The following ADD3 variants were observed in gnomAD, a reference collection of about 807,000 sequenced individuals.
ADD3 encodes the protein adducin 3, also known as gamma-adducin.
In ADD3, 25 loss-of-function variants were observed where a neutral mutation model predicts 80.2. That is an observed-to-expected ratio of 0.31 (90% CI 0.23 to 0.44). The LOEUF (loss-of-function observed/expected upper bound fraction) is 0.44. Ranked by LOEUF, ADD3 falls within the 20% of genes least tolerant of loss-of-function variation. ADD3 has a pLI of 1.00. For missense variants in ADD3, 829 were observed against 847.5 expected (o/e 0.98, Z 0.27); for synonymous variants, 284 against 289.6 (o/e 0.98, Z 0.20).
chr10:110,009,712 C>T (rs1417555094), intron 1 of ADD3, among the ~76,000 whole-genome samples: 1 of 152,204 alleles, frequency 6.6e-6, no homozygotes, highest in Non-Finnish European at 1.5e-5. Flanking sequence ...CTACATTTAA[C>T]TCTTCATCTT....
At chr10:110,031,267 C>T (rs1854987619) in intron 1 of ADD3, among the ~76,000 whole-genome samples, 1 of 152,204 alleles carries the variant, frequency 6.6e-6, no homozygotes, top group Admixed American at 6.5e-5. Context: ...GAGCAAAACT[C>T]TGTCCCTCAA....
intron 1 of ADD3, among the ~76,000 whole-genome samples, chr10:110,078,837 A>T (rs1845680929): frequency 1.3e-5 from 2 of 152,190 alleles, no homozygotes; most frequent in South Asian, 4.1e-4. Context: ...TTAAACTTCG[A>T]CTTTTACAGT....
At chr10:110,113,001 G>A in intron 3 of ADD3, 86 bp downstream of exon 3, 2 of 1,402,786 alleles carry the variant, frequency 1.4e-6, no homozygotes, top group Non-Finnish European at 2.0e-6. Flanking sequence ...ATTCTGCTCG[G>A]GTTCAGTCCT....
rs145422353 is a variant in ADD3 at position 110,081,745 on chromosome 10, A to G, written c.-29-18880A>G. ...TTTTAACAATTGCTTATATGAAACC[A>G]CGCTTGAAAATGGTCACCCTCTGTT... is the stretch of plus-strand genomic sequence containing the variant. On this transcript the variant is annotated intron_variant, in intron 1 of 14. Transcript: ENST00000356080. Among the ~76,000 whole-genome samples, 87 of 152,328 alleles carry G rather than the reference A, an allele frequency of 5.7e-4. 1 individual carries two copies. In the East Asian group the frequency reaches 0.014, roughly 25 times the overall value.
chr10:110,090,721 A>G (rs1026323467), intron 1 of ADD3, among the ~76,000 whole-genome samples: 3 of 152,332 alleles, frequency 2.0e-5, no homozygotes, highest in South Asian at 2.1e-4. Context: ...GTGGCCTCCA[A>G]TTGACACATA....
intron 1 of ADD3, among the ~76,000 whole-genome samples, chr10:110,045,562 A>G (rs1856824433): frequency 6.6e-6 from 1 of 152,232 alleles, no homozygotes; most frequent in African/African-American, 2.4e-5. Flanking sequence ...TTGGAAAATT[A>G]TTTGGAGATT....
intron 1 of ADD3, among the ~76,000 whole-genome samples, chr10:110,070,981 TGGGG>T (rs5787833): frequency 2.5e-5 from 1 of 39,618 alleles, no homozygotes; most frequent in East Asian, 8.2e-4. Context: ...TTGTTGTTTT[TGGGG>T]GGGGGGGGTG....
chr10:110,122,591 C>G (rs1427668656), intron 9 of ADD3, among the ~76,000 whole-genome samples: 2 of 151,592 alleles, frequency 1.3e-5, no homozygotes. Context: ...TCCCCACCCC[C>G]ACCTCCTTGT....
At chr10:110,007,067 A>AG (rs1273352108), upstream of ADD3, among the ~76,000 whole-genome samples, 1 of 149,764 alleles carries the variant, frequency 6.7e-6, no homozygotes. Flanking sequence ...TGTCTGGGCG[A>AG]GGGGGGTGGG....
chr10:110,079,427 TGAGAGAGA>T (rs60960051), intron 1 of ADD3: 4,216 of 122,370 alleles, frequency 0.034, 98 homozygotes, highest in Middle Eastern at 0.13. Context: ...AAAAAAATGA[TGAGAGAGA>T]GAGAGAGAGA....
chr10:110,019,828 T>C (rs1853459152), intron 1 of ADD3, among the ~76,000 whole-genome samples: 1 of 152,168 alleles, frequency 6.6e-6, no homozygotes, highest in Admixed American at 6.5e-5. Context: ...ATTCTGGGAA[T>C]GGGGCTAATA....
At chr10:110,103,065 T>C (rs1050587671) in intron 2 of ADD3, among the ~76,000 whole-genome samples, 1 of 152,326 alleles carries the variant, frequency 6.6e-6, no homozygotes, top group African/African-American at 2.4e-5. Context: ...GTTGATATTT[T>C]TTTTTCCTAG....
chr10:110,083,791 T>C (rs1846364047), intron 1 of ADD3, among the ~76,000 whole-genome samples: 1 of 152,170 alleles, frequency 6.6e-6, no homozygotes, highest in Admixed American at 6.5e-5. Flanking sequence ...GCTTTGTGCT[T>C]CTTTGTTGCA....
At chr10:110,075,150 T>TA (rs1845240428) in intron 1 of ADD3, among the ~76,000 whole-genome samples, 1 of 152,176 alleles carries the variant, frequency 6.6e-6, no homozygotes, top group Admixed American at 6.5e-5. Context: ...GGATTTAACA[T>TA]ACTGAGGGCA....
chr10:110,092,994 G>A (rs146925075), intron 1 of ADD3, among the ~76,000 whole-genome samples: 1 of 152,182 alleles, frequency 6.6e-6, no homozygotes, highest in Non-Finnish European at 1.5e-5. Context: ...GAGTAGCTAG[G>A]ATTACAGACA....
chr10:110,130,435 G>A lies in ADD3; in HGVS notation c.1681G>A (p.Glu561Lys), dbSNP rs1852811873. 4 of 1,613,966 alleles carry A rather than the reference G, an allele frequency of 2.5e-6. No individual in the cohort carries two copies. Among genetic ancestry groups the A allele is most frequent in the Non-Finnish European group, 2.5e-6 (3 of 1,179,968 alleles). Residue 561 changes from glutamate (E) to lysine (K), a missense_variant, in exon 13 of 15, where the codon GAA (glutamate) becomes AAA (lysine). Physicochemically the swap from Glu to Lys is moderately conservative, Grantham distance 56. Coordinates refer to ENST00000356080, the MANE Select transcript of ADD3 (RefSeq NM_016824.5). ...CCCATTTAGTCATCTCACAGAAGGA[G>A]AACTTGAAGAGTATAAGAGGACAAT... ...PNPFSHLTEG[E>K]LEEYKRTIER...
intron 1 of ADD3, among the ~76,000 whole-genome samples, chr10:110,094,922 A>G (rs192790200): frequency 6.6e-6 from 1 of 152,336 alleles, no homozygotes; most frequent in East Asian, 1.9e-4. Context: ...CTGGTAGTTG[A>G]AAGTACAGCC....
At chr10:110,100,476 A>G (rs1848687106) in intron 1 of ADD3, 149 bp from the exon 2 acceptor site, 4 of 452,400 alleles carry the variant, frequency 8.8e-6, no homozygotes, top group Non-Finnish European at 1.6e-5. Flanking sequence ...TTATATGAAT[A>G]AAAAATTGTT....
intron 1 of ADD3, among the ~76,000 whole-genome samples, chr10:110,095,340 A>G (rs1848022332): frequency 6.6e-6 from 1 of 152,160 alleles, no homozygotes; most frequent in Non-Finnish European, 1.5e-5. Flanking sequence ...CATGTTCATC[A>G]CTCCAAAAAT....
Sources: gnomAD v4.1 joint callset for allele counts (sites outside exome capture counted in the v4.1 genomes callset) on GRCh38, gnomAD v4.1.1 for gene constraint, MANE v1.5 for transcripts, NCBI Gene and HGNC (gene_info 2026-07-23, HGNC 2026-07-21) for gene names.